LARGE1: variants seen among roughly 807,000 people sequenced by gnomAD.
The protein encoded by LARGE1 is LARGE xylosyl- and glucuronyltransferase 1, also known as xylosyl- and glucuronyltransferase LARGE1.
LARGE1 carries 43 observed loss-of-function variants against 87.6 expected under a neutral mutation model. The ratio of observed to expected loss-of-function variants is 0.49; its 90% CI spans 0.38 to 0.63. LARGE1 has a LOEUF of 0.63. Ranked by LOEUF, LARGE1 falls within the 30% of genes least tolerant of loss-of-function variation. LARGE1 has a pLI of 0.00. For synonymous variants in LARGE1, 434 were observed against 394.6 expected, an observed-to-expected ratio of 1.10 and a Z score of -1.18; for missense variants, 802 against 1,000.2, an observed-to-expected ratio of 0.80 and a Z score of 2.67.
At chr22:33,717,913 T>C (rs922810263) in intron 2 of LARGE1, among the ~76,000 whole-genome samples, 1 of 152,218 alleles carries the variant, frequency 6.6e-6, no homozygotes, top group African/African-American at 2.4e-5. Context: ...TCACCACTCA[T>C]GTCACCCCTG....
intron 10 of LARGE1, chr22:33,322,663 C>T (rs1936861327): frequency 6.6e-6 from 1 of 152,162 alleles, no homozygotes; most frequent in African/African-American, 2.4e-5. Flanking sequence ...GTGGGATGGA[C>T]TAGGGCAGTC....
chr22:33,366,565 C>A (rs536798796), intron 9 of LARGE1, among the ~76,000 whole-genome samples: 6 of 152,290 alleles, frequency 3.9e-5, no homozygotes, highest in African/African-American at 1.4e-4. Flanking sequence ...CTATTTTATA[C>A]ATGGCTAGAT....
intron 5 of LARGE1, among the ~76,000 whole-genome samples, chr22:33,601,701 G>A (rs1446960778): frequency 6.6e-6 from 1 of 152,182 alleles, no homozygotes; most frequent in Non-Finnish European, 1.5e-5. Flanking sequence ...AAAAGCAGGT[G>A]TCAGGAAACT....
At chr22:33,819,656 C>A (rs2086761401) in intron 1 of LARGE1, among the ~76,000 whole-genome samples, 1 of 152,174 alleles carries the variant, frequency 6.6e-6, no homozygotes, top group South Asian at 2.1e-4. Flanking sequence ...AAATCCACCT[C>A]ATTTAATCCC....
At chr22:33,466,252 C>A (rs1023300036) in intron 6 of LARGE1, among the ~76,000 whole-genome samples, 1 of 152,128 alleles carries the variant, frequency 6.6e-6, no homozygotes, top group South Asian at 2.1e-4. Context: ...CTTGGAGAAG[C>A]CTTACTTCAT....
At chr22:33,753,063 T>C (rs2084380544) in intron 2 of LARGE1, among the ~76,000 whole-genome samples, 1 of 151,886 alleles carries the variant, frequency 6.6e-6, no homozygotes, top group Non-Finnish European at 1.5e-5. Context: ...TTACAAAAAA[T>C]ACAAAAATTA....
chr22:33,227,345 C>A (rs898822953), intron 11 of LARGE1, among the ~76,000 whole-genome samples: 1 of 152,142 alleles, frequency 6.6e-6, no homozygotes, highest in African/African-American at 2.4e-5. Context: ...GGGCCAATCC[C>A]AAGGACAAAC....
At chr22:33,668,353 A>C (rs1603064282) in intron 2 of LARGE1, among the ~76,000 whole-genome samples, 1 of 152,162 alleles carries the variant, frequency 6.6e-6, no homozygotes, top group Admixed American at 6.5e-5. Flanking sequence ...TGTGTTCTTC[A>C]GTGGAGATGA....
chr22:33,698,531 A>G (rs919078662), intron 2 of LARGE1, among the ~76,000 whole-genome samples: 1 of 152,054 alleles, frequency 6.6e-6, no homozygotes, highest in Non-Finnish European at 1.5e-5. Context: ...GCTAGTCTTG[A>G]GCTCCTAGCC....
chr22:33,915,047 A>AGATT (rs2065747487), intron 1 of LARGE1, among the ~76,000 whole-genome samples: 1 of 123,700 alleles, frequency 8.1e-6, no homozygotes, highest in African/African-American at 2.6e-5. Context: ...ACACACAGAG[A>AGATT]GAGAGAGAGA....
the LARGE1 span, among the ~76,000 whole-genome samples, chr22:33,106,735 A>G: frequency 6.6e-6 from 1 of 152,154 alleles, no homozygotes. Flanking sequence ...AAGTCAGGTG[A>G]TCCACCCACC....
At chr22:33,468,839 T>A (rs912112166) in intron 6 of LARGE1, among the ~76,000 whole-genome samples, 2 of 152,000 alleles carry the variant, frequency 1.3e-5, no homozygotes, top group Non-Finnish European at 2.9e-5. Flanking sequence ...TCATGGAATC[T>A]CCCCCCTATA....
At chr22:33,214,753 C>A (rs942022080) in intron 11 of LARGE1, among the ~76,000 whole-genome samples, 1 of 152,192 alleles carries the variant, frequency 6.6e-6, no homozygotes, top group Non-Finnish European at 1.5e-5. Flanking sequence ...TTCGAGGGAG[C>A]CCGGTCTTTC....
At chr22:33,541,583 C>G (rs550220328) in intron 6 of LARGE1, among the ~76,000 whole-genome samples, 2 of 152,182 alleles carry the variant, frequency 1.3e-5, no homozygotes, top group South Asian at 4.1e-4. Context: ...CTTAATGATG[C>G]CTCCAGCAGA....
chr22:33,081,297 C>G, the LARGE1 span, among the ~76,000 whole-genome samples: 1 of 152,168 alleles, frequency 6.6e-6, no homozygotes, highest in Non-Finnish European at 1.5e-5. Flanking sequence ...GCTGCCTGAA[C>G]AGATTAATAC....
chr22:33,478,903 G>C (rs2069191470), intron 6 of LARGE1, among the ~76,000 whole-genome samples: 3 of 152,116 alleles, frequency 2.0e-5, no homozygotes, highest in Non-Finnish European at 2.9e-5. Context: ...TGGATGTTGG[G>C]TACCGGGGGA....
the LARGE1 span, among the ~76,000 whole-genome samples, chr22:33,130,840 T>C: frequency 1.0e-3 from 153 of 151,842 alleles, no homozygotes; most frequent in African/African-American, 3.6e-3. Context: ...GGTCAGGAGA[T>C]AGAGACCACG....
At position 33,832,884 on chromosome 22, in the gene LARGE1, C is replaced by T. The variant is rs552885543; in HGVS notation, c.-82-71326G>A. On this transcript the variant is annotated intron_variant, in intron 1 of 14. Transcript: ENST00000397394. ...TCAATAAGTGCTAAATGTTATTAGACGACTGTTGTTGGACTGGGCCAGACA... is the reference window on the plus strand; with the variant it reads ...TCAATAAGTGCTAAATGTTATTAGATGACTGTTGTTGGACTGGGCCAGACA... Among the ~76,000 whole-genome samples the T allele has an allele frequency of 1.1e-4, 16 of 152,368 alleles. 1 individual carries two copies. The highest frequency in any genetic ancestry group is 2.1e-4 in the South Asian group (1 of 4,830).
chr22:33,710,610 C>A (rs956496188), intron 2 of LARGE1, among the ~76,000 whole-genome samples: 1 of 152,308 alleles, frequency 6.6e-6, no homozygotes, highest in South Asian at 2.1e-4. Context: ...AGACTGGACA[C>A]AATGGGCACA....
Sources: allele counts gnomAD v4.1 joint callset (sites outside exome capture counted in the v4.1 genomes callset), GRCh38; gene constraint gnomAD v4.1.1; transcripts MANE v1.5; gene names NCBI Gene and HGNC (gene_info 2026-07-23, HGNC 2026-07-21).